The following COP1 variants were observed in gnomAD, a reference collection of about 807,000 sequenced individuals.
The protein encoded by COP1 is COP1 E3 ubiquitin ligase.
A neutral mutation model predicts 101.3 loss-of-function variants in COP1; 24 were observed. The ratio of observed to expected loss-of-function variants is 0.24; its 90% confidence interval spans 0.17 to 0.33. The LOEUF (loss-of-function observed/expected upper bound fraction) is 0.33, where lower values mean the gene tolerates loss of function less well. COP1 is among the 10% of genes least tolerant of loss of function. The pLI, the probability that COP1 is intolerant of heterozygous loss-of-function variation, is 1.00. For synonymous variants in COP1, 347 were observed against 341.9 expected, an observed-to-expected ratio of 1.01 and a Z score of -0.17; for missense variants, 663 against 906.2, an observed-to-expected ratio of 0.73 and a Z score of 3.45.
intron 8 of COP1, among the ~76,000 whole-genome samples, chr1:176,117,164 G>T (rs1288535793): frequency 6.6e-6 from 1 of 152,090 alleles, no homozygotes; most frequent in Non-Finnish European, 1.5e-5. Flanking sequence ...GGTGATGTAG[G>T]CTAGCTATTT....
chr1:176,168,844 C>T (rs1695596815), intron 3 of COP1: 1 of 175,260 alleles, frequency 5.7e-6, no homozygotes, highest in Non-Finnish European at 1.3e-5. Flanking sequence ...GGAAGAGGGG[C>T]TATAGTGTAG....
intron 18 of COP1, among the ~76,000 whole-genome samples, chr1:175,972,830 CCTTA>C (rs1168512858): frequency 6.6e-6 from 1 of 151,978 alleles, no homozygotes; most frequent in Non-Finnish European, 1.5e-5. Flanking sequence ...TGCACATAAG[CCTTA>C]TTTATTTAAT....
chr1:176,112,305 T>C (rs1685435378), intron 9 of COP1, among the ~76,000 whole-genome samples: 1 of 151,804 alleles, frequency 6.6e-6, no homozygotes, highest in African/African-American at 2.4e-5. Flanking sequence ...AGGATCTACA[T>C]TTTTTTTAAA....
At chr1:176,048,196 T>TC (rs1491126582) in intron 11 of COP1, among the ~76,000 whole-genome samples, 2 of 8,512 alleles carry the variant, frequency 2.3e-4, no homozygotes, top group African/African-American at 2.6e-4. Flanking sequence ...ATTAAAATTC[T>TC]TTTTTTTTTT....
At chr1:175,952,710 A>T (rs1650100452) in intron 18 of COP1, among the ~76,000 whole-genome samples, 1 of 152,062 alleles carries the variant, frequency 6.6e-6, no homozygotes, top group Non-Finnish European at 1.5e-5. Flanking sequence ...GGAGTTTGAG[A>T]CCAGTCTGGG....
intron 1 of COP1, among the ~76,000 whole-genome samples, chr1:176,203,250 T>C (rs908013288): frequency 6.6e-6 from 1 of 151,740 alleles, no homozygotes; most frequent in Non-Finnish European, 1.5e-5. Flanking sequence ...GGCAGGAGAA[T>C]GGCGTGAACC....
intron 10 of COP1, among the ~76,000 whole-genome samples, chr1:176,082,673 G>T (rs1486688091): frequency 6.6e-6 from 1 of 151,898 alleles, no homozygotes; most frequent in Non-Finnish European, 1.5e-5. Flanking sequence ...AGGTGTGCTG[G>T]AGCATGCCTG....
chr1:176,071,184 G>A (rs1479207545), intron 11 of COP1, among the ~76,000 whole-genome samples: 2 of 151,964 alleles, frequency 1.3e-5, no homozygotes, highest in East Asian at 1.9e-4. Context: ...GTGAATTCTC[G>A]CAAGATCTGG....
At chr1:176,204,599 G>A (rs1700630642) in intron 1 of COP1, among the ~76,000 whole-genome samples, 4 of 152,132 alleles carry the variant, frequency 2.6e-5, no homozygotes, top group Admixed American at 2.6e-4. Context: ...ACCAGAAAAA[G>A]AAATAATTAA....
intron 15 of COP1, among the ~76,000 whole-genome samples, chr1:176,019,981 C>A (rs923903112): frequency 6.6e-6 from 1 of 152,104 alleles, no homozygotes; most frequent in African/African-American, 2.4e-5. Flanking sequence ...TGCCCTAATT[C>A]TTCCGTGATA....
chr1:176,162,842 T>C, intron 5 of COP1, 27 bp downstream of exon 5: 2 of 1,545,168 alleles, frequency 1.3e-6, no homozygotes, highest in Non-Finnish European at 8.7e-7. Context: ...TCATTTAAAA[T>C]TTTTTTTAAG....
intron 8 of COP1, among the ~76,000 whole-genome samples, chr1:176,127,540 T>C (rs1688198360): frequency 6.6e-6 from 1 of 151,538 alleles, no homozygotes; most frequent in African/African-American, 2.4e-5. Context: ...CTGGGTCTTT[T>C]TAAGGTGGAA....
intron 9 of COP1, among the ~76,000 whole-genome samples, chr1:176,111,229 T>G (rs1685231232): frequency 6.6e-6 from 1 of 152,168 alleles, no homozygotes; most frequent in African/African-American, 2.4e-5. Flanking sequence ...TATGAATAGT[T>G]CAAACACTGT....
intron 2 of COP1, among the ~76,000 whole-genome samples, chr1:176,179,022 G>A (rs554992712): frequency 4.0e-5 from 6 of 151,686 alleles, no homozygotes; most frequent in Admixed American, 1.3e-4. Context: ...CGGGTGCAGC[G>A]GCTCACGCCG....
intron 11 of COP1, among the ~76,000 whole-genome samples, chr1:176,071,519 G>A (rs1419153306): frequency 6.6e-6 from 1 of 151,916 alleles, no homozygotes; most frequent in African/African-American, 2.4e-5. Flanking sequence ...GACATGAATA[G>A]GTATGATTTT....
intron 9 of COP1, among the ~76,000 whole-genome samples, chr1:176,114,691 T>A (rs901026116): frequency 1.3e-5 from 2 of 151,846 alleles, no homozygotes; most frequent in African/African-American, 4.8e-5. Context: ...GGGTTCAAGG[T>A]ATCCTCCCAC....
intron 15 of COP1, among the ~76,000 whole-genome samples, chr1:176,021,142 C>A (rs1482780170): frequency 6.6e-6 from 1 of 152,092 alleles, no homozygotes; most frequent in African/African-American, 2.4e-5. Flanking sequence ...GCCACCAGGT[C>A]CAGCCAGGAA....
intron 14 of COP1, among the ~76,000 whole-genome samples, chr1:176,039,933 T>C (rs1296399191): frequency 6.6e-6 from 1 of 152,100 alleles, no homozygotes; most frequent in African/African-American, 2.4e-5. Context: ...GACATAAATA[T>C]AGGAGCTTAA....
At chr1:176,025,025 A>G (rs1306954124) in intron 15 of COP1, among the ~76,000 whole-genome samples, 2 of 152,196 alleles carry the variant, frequency 1.3e-5, no homozygotes, top group African/African-American at 4.8e-5. Context: ...AAATAATTCT[A>G]CATTATGCCA....
Sources: allele counts gnomAD v4.1 joint callset (sites outside exome capture counted in the v4.1 genomes callset), GRCh38; gene constraint gnomAD v4.1.1; transcripts MANE v1.5; gene names NCBI Gene and HGNC (gene_info 2026-07-23, HGNC 2026-07-21).